The following OTULIN variants were observed in gnomAD, a reference collection of about 807,000 sequenced individuals.
OTULIN encodes the protein ubiquitin thioesterase otulin.
A neutral mutation model predicts 39.6 loss-of-function variants in OTULIN; 15 were observed. That is an observed-to-expected ratio of 0.38 (90% CI 0.25 to 0.58). The LOEUF (loss-of-function observed/expected upper bound fraction) is 0.58, where lower values mean the gene tolerates loss of function less well. OTULIN is among the 20% of genes least tolerant of loss of function. The pLI is 0.66. For synonymous variants in OTULIN, 156 were observed against 170.3 expected, an observed-to-expected ratio of 0.92 and a Z score of 0.65; for missense variants, 319 against 445.9, an observed-to-expected ratio of 0.72 and a Z score of 2.56.
chr5:14,708,503 A>G, the OTULIN span: 4 of 152,218 alleles, frequency 2.6e-5, no homozygotes, highest in Admixed American at 1.3e-4. Flanking sequence ...AGTTGCCCCA[A>G]TGACTCTGAA....
intron 4 of OTULIN, among the ~76,000 whole-genome samples, chr5:14,681,908 G>A (rs1311048925): frequency 2.0e-5 from 3 of 152,172 alleles, no homozygotes; most frequent in African/African-American, 7.2e-5. Flanking sequence ...TTTTAAGTAG[G>A]CTGTATATGT....
downstream of OTULIN, among the ~76,000 whole-genome samples, chr5:14,701,332 G>A (rs1736791912): frequency 6.6e-6 from 1 of 152,194 alleles, no homozygotes; most frequent in South Asian, 2.1e-4. Context: ...TGGCCTTGTG[G>A]GGCAGGCCTT....
intron 1 of OTULIN, among the ~76,000 whole-genome samples, chr5:14,665,709 C>T (rs191698140): frequency 6.6e-6 from 1 of 152,126 alleles, no homozygotes; most frequent in East Asian, 1.9e-4. Context: ...GCCAGTTTGA[C>T]AGATATTTTA....
At chr5:14,715,350 C>T in the OTULIN span, among the ~76,000 whole-genome samples, 3 of 152,266 alleles carry the variant, frequency 2.0e-5, no homozygotes, top group Admixed American at 6.5e-5. Flanking sequence ...AGGCTGGTCT[C>T]GAACTCCTGA....
rs916903250 is a variant in OTULIN at position 14,697,344 on chromosome 5, T to A, written c.*4296T>A. 2.0e-5 allele frequency: 3 copies of A among 152,076 alleles called. No individual in the cohort carries two copies. The highest frequency in any genetic ancestry group is 3.9e-4 in the East Asian group (2 of 5,174). The allele number at this position is 152,076 out of a possible 1,614,324, so 9.4% of individuals were successfully genotyped here. A position where few individuals can be genotyped will look rare whatever the true frequency, so the allele number is the denominator to read the frequency against. Reference sequence around the variant, plus strand: ...GGTGTGTACCACCACTCCCAGCTAATTTTTGTATTTTTAGTAGAGATGGGG... The same window carrying A: ...GGTGTGTACCACCACTCCCAGCTAAATTTTGTATTTTTAGTAGAGATGGGG... On this transcript the variant is annotated 3_prime_UTR_variant, in exon 7 of 7. Coordinates refer to ENST00000284274, the MANE Select transcript of OTULIN (RefSeq NM_138348.6).
At chr5:14,715,685 C>T in the OTULIN span, among the ~76,000 whole-genome samples, 1 of 152,238 alleles carries the variant, frequency 6.6e-6, no homozygotes, top group African/African-American at 2.4e-5. Flanking sequence ...GCTATGCAAG[C>T]AGTTAGCACA....
At chr5:14,676,681 G>A (rs1490471337) in intron 2 of OTULIN, among the ~76,000 whole-genome samples, 2 of 152,220 alleles carry the variant, frequency 1.3e-5, no homozygotes. Context: ...AGAGCAGGAA[G>A]GTAGATTTCC....
rs1023694093 is a variant in OTULIN at position 14,670,979 on chromosome 5, T to A, written c.153-2663T>A. On this transcript the variant is annotated intron_variant, in intron 1 of 6. Coordinates refer to ENST00000284274, the MANE Select transcript of OTULIN (RefSeq NM_138348.6). ...TTCAGTTGTGGTTAAAGCAATTTGA[T>A]TATACTCTGGTTCTCTTATTCTTCC... Among the ~76,000 whole-genome samples, 3 of 152,228 alleles carry A rather than the reference T, an allele frequency of 2.0e-5. No individual in the cohort carries two copies. The East Asian group carries it at 5.8e-4, about 29-fold the overall frequency.
intron 2 of OTULIN, among the ~76,000 whole-genome samples, chr5:14,677,365 T>G (rs1326931070): frequency 6.6e-6 from 1 of 152,226 alleles, no homozygotes; most frequent in Non-Finnish European, 1.5e-5. Flanking sequence ...TGAATTTAGT[T>G]GAATAAAACA....
downstream of OTULIN, among the ~76,000 whole-genome samples, chr5:14,701,776 T>C (rs536083716): frequency 9.0e-4 from 137 of 152,220 alleles, 1 homozygote; most frequent in African/African-American, 3.2e-3. Context: ...TGGGTTCTTA[T>C]TTTCTACATG....
intron 1 of OTULIN, among the ~76,000 whole-genome samples, chr5:14,666,693 A>G (rs557101148): frequency 5.3e-5 from 8 of 152,210 alleles, no homozygotes; most frequent in African/African-American, 1.4e-4. Context: ...GCGTTTGATT[A>G]TCTCATTCTC....
rs2126347383 is a variant in OTULIN, at chr5:14,695,008, A to G, written c.*1960A>G. On this transcript the variant is annotated 3_prime_UTR_variant, in exon 7 of 7. Transcript: ENST00000284274. ...ACATTGAATCTGACCATCAGTTTAT[A>G]TATGTCATTGAATTTTAAGAATACT... 1 of 152,342 alleles carries G rather than the reference A, an allele frequency of 6.6e-6. No homozygotes were observed. The highest frequency in any genetic ancestry group is 2.1e-4 in the South Asian group (1 of 4,830). 9.4% of individuals were successfully genotyped at this position (152,342 alleles called of 1,614,324 possible).
chr5:14,692,084 T>C (rs1736542673), intron 6 of OTULIN, among the ~76,000 whole-genome samples: 1 of 152,228 alleles, frequency 6.6e-6, no homozygotes, highest in Non-Finnish European at 1.5e-5. Context: ...TGTGAACATA[T>C]GTTTGTAGTT....
At position 14,696,696 on chromosome 5, in the gene OTULIN, G is replaced by A. The variant is rs1736678942; in HGVS notation, c.*3648G>A. The A allele has an allele frequency of 6.6e-6, 1 of 152,022 alleles. No individual in the cohort carries two copies. The highest frequency in any genetic ancestry group is 2.1e-4 in the South Asian group (1 of 4,822). The allele number at this position is 152,022 out of a possible 1,614,324, so 9.4% of individuals were successfully genotyped here. A position where few individuals can be genotyped will look rare whatever the true frequency, so the allele number is the denominator to read the frequency against. ...AGAAGAATAAAAATCTGAATGAATG[G>A]AAGGCCTTACGTGTATACAGTTTAC... On this transcript the variant is annotated 3_prime_UTR_variant, in exon 7 of 7. Transcript: ENST00000284274.
Position 14,698,494 on chromosome 5 carries a change from C to A in OTULIN, c.*5446C>A, listed in dbSNP as rs1472106390. The A allele has an allele frequency of 1.3e-5, 2 of 152,272 alleles. No homozygotes were observed. The highest frequency in any genetic ancestry group is 4.8e-5 in the African/African-American group (2 of 41,474). 9.4% of individuals were successfully genotyped at this position (152,272 alleles called of 1,614,324 possible). On this transcript the variant is annotated 3_prime_UTR_variant, in exon 7 of 7. Transcript: ENST00000284274. The stretch of plus-strand genomic sequence containing the variant: ...TTACTTGTTGAGTCTCTTGTCTTCA[C>A]TGTCAGAAGCTGAACTGACTTGGGG...
chr5:14,702,268 A>G (rs1273914443), downstream of OTULIN, among the ~76,000 whole-genome samples: 1 of 152,152 alleles, frequency 6.6e-6, no homozygotes, highest in Non-Finnish European at 1.5e-5. Flanking sequence ...GAAAGAGTGT[A>G]CAGGGATGGG....
rs1332101689 is a variant in OTULIN, at chr5:14,697,923, A to G, written c.*4875A>G. ...ACTTCAAAGTAATATTTTATACTTA[A>G]TTTTAGGAGTTTTCATTTACATATT... On this transcript the variant is annotated 3_prime_UTR_variant, in exon 7 of 7. Transcript: ENST00000284274. 6.6e-6 allele frequency: 1 copy of G among 152,210 alleles called. No homozygotes were observed. The highest frequency in any genetic ancestry group is 6.5e-5 in the Admixed American group (1 of 15,276). 9.4% of individuals were successfully genotyped at this position (152,210 alleles called of 1,614,324 possible).
At chr5:14,682,991 G>T (rs1736293586) in intron 4 of OTULIN, among the ~76,000 whole-genome samples, 1 of 152,154 alleles carries the variant, frequency 6.6e-6, no homozygotes, top group Non-Finnish European at 1.5e-5. Context: ...TAAGCTAGAG[G>T]TCTTTTAGGT....
At chr5:14,691,227 A>G (rs1450162295) in intron 6 of OTULIN, among the ~76,000 whole-genome samples, 1 of 152,130 alleles carries the variant, frequency 6.6e-6, no homozygotes, top group Non-Finnish European at 1.5e-5. Context: ...TCAAAGTGCC[A>G]CCCTCCTACT....
Sources: allele counts gnomAD v4.1 joint callset (sites outside exome capture counted in the v4.1 genomes callset), GRCh38; gene constraint gnomAD v4.1.1; transcripts MANE v1.5; gene names NCBI Gene and HGNC (gene_info 2026-07-23, HGNC 2026-07-21).